Variants in TTC6 observed in about 807,000 individuals in gnomAD.
TTC6 encodes the protein tetratricopeptide repeat domain 6.
TTC6 carries 172 observed loss-of-function variants against 210.4 expected under a neutral mutation model. The ratio of observed to expected loss-of-function variants is 0.82; its 90% CI spans 0.72 to 0.93. TTC6 has a LOEUF of 0.93. Ranked by LOEUF, TTC6 falls within the 40% of genes least tolerant of loss-of-function variation. The pLI is 0.00. For missense variants in TTC6, 2,414 were observed against 2,318.1 expected (o/e 1.04, Z -0.85); for synonymous variants, 804 against 819.6 (o/e 0.98, Z 0.32).
In TTC6 at chr14:37,775,960, G is replaced by C. The variant is rs150507875; in HGVS notation, c.3267-11508G>C. 5.9e-4 allele frequency among the ~76,000 whole-genome samples: 90 copies of C among 151,402 alleles called. 1 individual carries two copies. The highest frequency in any genetic ancestry group is 2.2e-3 in the African/African-American group (89 of 41,270). ...CATCTCCACCTTTTTTTCTGATTTT[G>C]ATTGGCTTGGTGGGTTTTTCTCCAT... On this transcript the variant is annotated intron_variant, in intron 14 of 30. Transcript: ENST00000553443.
At chr14:37,838,858 G>A (rs2096203849) in intron 29 of TTC6, among the ~76,000 whole-genome samples, 1 of 152,044 alleles carries the variant, frequency 6.6e-6, no homozygotes, top group Non-Finnish European at 1.5e-5. Context: ...CTGTGTCCAT[G>A]TATTCTCATT....
intron 1 of TTC6, among the ~76,000 whole-genome samples, chr14:37,661,568 T>C (rs1304614679): frequency 6.6e-6 from 1 of 152,222 alleles, no homozygotes; most frequent in Non-Finnish European, 1.5e-5. Flanking sequence ...TTTTGGTTAT[T>C]GCAGCCTTAT....
intron 2 of TTC6, among the ~76,000 whole-genome samples, chr14:37,607,786 C>T (rs776385725): frequency 1.3e-5 from 2 of 151,850 alleles, no homozygotes; most frequent in Non-Finnish European, 2.9e-5. Flanking sequence ...TGCCACCATG[C>T]CCAGCTAATT....
At chr14:37,616,889 AT>A (rs1289499809) in intron 2 of TTC6, among the ~76,000 whole-genome samples, 5 of 152,086 alleles carry the variant, frequency 3.3e-5, no homozygotes, top group Admixed American at 3.3e-4. Context: ...AAAAAAAATT[AT>A]TTTTATTTAA....
chr14:37,789,532 A>G (rs1256876616), intron 15 of TTC6, among the ~76,000 whole-genome samples: 6 of 149,792 alleles, frequency 4.0e-5, no homozygotes, highest in South Asian at 2.1e-4. Flanking sequence ...TGACATTCGC[A>G]TTGTGGATCA....
intron 1 of TTC6, among the ~76,000 whole-genome samples, chr14:37,634,514 T>C (rs2095676215): frequency 6.6e-6 from 1 of 152,090 alleles, no homozygotes; most frequent in African/African-American, 2.4e-5. Flanking sequence ...TAACTTGGTG[T>C]CATCATAGTC....
intron 6 of TTC6, among the ~76,000 whole-genome samples, chr14:37,722,522 A>AT (rs1365351748): frequency 1.3e-5 from 2 of 152,020 alleles, no homozygotes; most frequent in African/African-American, 4.8e-5. Flanking sequence ...TAATTTTTAA[A>AT]TTTTTTTGTA....
intron 1 of TTC6, among the ~76,000 whole-genome samples, chr14:37,629,801 G>A (rs2095666282): frequency 6.6e-6 from 1 of 152,128 alleles, no homozygotes; most frequent in African/African-American, 2.4e-5. Flanking sequence ...AGTTTATAGA[G>A]CATTTTTAGC....
chr14:37,665,314 A>G (rs1040266740), intron 1 of TTC6, among the ~76,000 whole-genome samples: 5 of 150,786 alleles, frequency 3.3e-5, no homozygotes, highest in African/African-American at 1.2e-4. Flanking sequence ...AATACTATGC[A>G]GCCATAAAAA....
At chr14:37,841,422 A>G (rs2096209720) in intron 29 of TTC6, 23 bp from the exon 32 acceptor site, 2 of 1,558,482 alleles carry the variant, frequency 1.3e-6, no homozygotes, top group Non-Finnish European at 1.7e-6. Context: ...ATTAAAATAT[A>G]TCATTATCTT....
intron 1 of TTC6, among the ~76,000 whole-genome samples, chr14:37,631,432 T>A (rs1286536821): frequency 6.6e-6 from 1 of 152,142 alleles, no homozygotes; most frequent in Non-Finnish European, 1.5e-5. Context: ...GAATGTTGAG[T>A]ATTGGTCCCC....
chr14:37,719,607 A>AG (rs1179941190), intron 6 of TTC6, among the ~76,000 whole-genome samples: 2 of 152,180 alleles, frequency 1.3e-5, no homozygotes, highest in Non-Finnish European at 2.9e-5. Flanking sequence ...GGTGTAGGAT[A>AG]GTCTTTTCAA....
intron 22 of TTC6, 96 bp from the exon 25 acceptor site, chr14:37,807,224 G>T: frequency 1.8e-6 from 2 of 1,126,272 alleles, no homozygotes; most frequent in Non-Finnish European, 1.2e-6. Context: ...ACCCTTTTTG[G>T]GAGGCATAGA....
intron 1 of TTC6, among the ~76,000 whole-genome samples, chr14:37,604,203 T>C (rs2095620998): frequency 6.6e-6 from 1 of 151,828 alleles, no homozygotes; most frequent in Admixed American, 6.6e-5. Flanking sequence ...GGGGGCGGAG[T>C]CTCAGTGTCC....
chr14:37,643,543 A>G (rs1001908197), intron 1 of TTC6, among the ~76,000 whole-genome samples: 4 of 152,152 alleles, frequency 2.6e-5, no homozygotes, highest in Non-Finnish European at 5.9e-5. Flanking sequence ...GTTAATCAGC[A>G]TACTCATCAT....
intron 1 of TTC6, among the ~76,000 whole-genome samples, chr14:37,600,113 G>A (rs80265271): frequency 0.01 from 1,596 of 152,298 alleles, 26 homozygotes; most frequent in African/African-American, 0.036. Flanking sequence ...CACACAAAGA[G>A]GTGGAAAATT....
chr14:37,612,629 A>G (rs2095636510), intron 2 of TTC6, among the ~76,000 whole-genome samples: 2 of 152,188 alleles, frequency 1.3e-5, no homozygotes, highest in African/African-American at 4.8e-5. Flanking sequence ...TATGGACATG[A>G]TATGTCTCCA....
Position 37,787,536 on chromosome 14 carries a change from CA to C in TTC6, c.3337del (p.Ile1113PhefsTer3), listed in dbSNP as rs1275165349. 6.5e-7 allele frequency: 1 copy of C among 1,531,700 alleles called. No homozygotes were observed. The highest frequency in any genetic ancestry group is 8.7e-7 in the Non-Finnish European group (1 of 1,144,070). 94.9% of individuals were successfully genotyped at this position (1,531,700 alleles called of 1,614,324 possible). On this transcript the variant is annotated frameshift_variant, in exon 15 of 31. Coordinates refer to ENST00000553443, the Ensembl canonical transcript of TTC6. LOFTEE classifies it high-confidence loss of function. ...GAAGCAACTCAAGATTTTTCTGCTG[CA>C]ATTCACTTAGATCCTAATAACTGGT...
At chr14:37,749,347 A>G in exon 11 of TTC6, 1 of 1,483,130 alleles carries the variant, frequency 6.7e-7, no homozygotes, top group Non-Finnish European at 8.9e-7. Flanking sequence ...GTAGGCGTGG[A>G]GCTATTTATA....
Sources: allele counts gnomAD v4.1 joint callset (sites outside exome capture counted in the v4.1 genomes callset), GRCh38; gene constraint gnomAD v4.1.1; transcripts MANE v1.5; gene names NCBI Gene and HGNC (gene_info 2026-07-23, HGNC 2026-07-21).